ADK: variants seen among roughly 807,000 people sequenced by gnomAD.
ADK encodes the protein N6,N6-dimethyladenosine kinase.
Under a neutral mutation model 44.7 loss-of-function variants are expected in ADK, and 24 were observed. The ratio of observed to expected loss-of-function variants is 0.54; its 90% confidence interval spans 0.39 to 0.76. ADK has a LOEUF of 0.76. ADK is among the 30% of genes least tolerant of loss of function. The pLI, the probability that ADK is intolerant of heterozygous loss-of-function variation, is 0.00. For missense variants in ADK, 321 were observed against 425.1 expected, an observed-to-expected ratio of 0.76 and a Z score of 2.15; for synonymous variants, 128 against 142.6, an observed-to-expected ratio of 0.90 and a Z score of 0.73.
At chr10:74,352,549 G>T (rs1460530834) in intron 4 of ADK, among the ~76,000 whole-genome samples, 1 of 152,202 alleles carries the variant, frequency 6.6e-6, no homozygotes, top group African/African-American at 2.4e-5. Context: ...CAATGCAATT[G>T]CAGCAAAAGC....
At chr10:74,442,919 A>G (rs2133144977) in intron 6 of ADK, among the ~76,000 whole-genome samples, 1 of 152,306 alleles carries the variant, frequency 6.6e-6, no homozygotes, top group South Asian at 2.1e-4. Flanking sequence ...ACACAAAAAT[A>G]TAGATACTGT....
intron 2 of ADK, among the ~76,000 whole-genome samples, chr10:74,213,988 A>G (rs1018914723): frequency 2.0e-4 from 30 of 152,364 alleles, no homozygotes; most frequent in African/African-American, 7.0e-4. Flanking sequence ...AATAAAAAGC[A>G]TAAGAAAAAT....
At chr10:74,550,061 G>A (rs1396662582) in intron 7 of ADK, among the ~76,000 whole-genome samples, 3 of 144,096 alleles carry the variant, frequency 2.1e-5, no homozygotes, top group African/African-American at 7.5e-5. Context: ...GCATAAATCA[G>A]AACCCAATCA....
At chr10:74,227,685 A>G (rs996908450) in intron 3 of ADK, among the ~76,000 whole-genome samples, 8 of 152,180 alleles carry the variant, frequency 5.3e-5, no homozygotes, top group East Asian at 1.9e-4. Context: ...CTCTACTAAA[A>G]ATACAAAAAT....
intron 2 of ADK, among the ~76,000 whole-genome samples, chr10:74,219,411 T>A (rs369791398): frequency 6.6e-6 from 1 of 151,970 alleles, no homozygotes; most frequent in Non-Finnish European, 1.5e-5. Context: ...CTCCCACACA[T>A]TAATAATGGG....
At chr10:74,279,237 G>A (rs1467986413) in intron 3 of ADK, among the ~76,000 whole-genome samples, 13 of 151,460 alleles carry the variant, frequency 8.6e-5, no homozygotes, top group East Asian at 3.9e-4. Context: ...CCGAGATTGC[G>A]CCACTGCATT....
chr10:74,484,216 A>G (rs1387835321), intron 6 of ADK, among the ~76,000 whole-genome samples: 1 of 152,204 alleles, frequency 6.6e-6, no homozygotes. Flanking sequence ...TCATGGCAGA[A>G]GGGGAAGCAG....
At chr10:74,458,299 G>GTTTTTTT (rs376118678) in intron 6 of ADK, among the ~76,000 whole-genome samples, 8 of 79,048 alleles carry the variant, frequency 1.0e-4, no homozygotes, top group African/African-American at 1.5e-4. Flanking sequence ...CCCAGGTTTT[G>GTTTTTTT]TTTTTTTTTT....
chr10:74,194,430 ATTATT>A (rs995730651), intron 1 of ADK, among the ~76,000 whole-genome samples: 25 of 152,174 alleles, frequency 1.6e-4, no homozygotes, highest in African/African-American at 5.8e-4. Flanking sequence ...GGAAATTGGG[ATTATT>A]TTATGAATAA....
intron 3 of ADK, among the ~76,000 whole-genome samples, chr10:74,282,861 A>G (rs1846998823): frequency 6.6e-6 from 1 of 152,198 alleles, no homozygotes; most frequent in South Asian, 2.1e-4. Context: ...CTTATAGTAT[A>G]TGAAAATCAC....
At chr10:74,652,621 G>A (rs558066234) in intron 9 of ADK, among the ~76,000 whole-genome samples, 12 of 151,928 alleles carry the variant, frequency 7.9e-5, no homozygotes, top group African/African-American at 1.7e-4. Flanking sequence ...TTAGCCGGCT[G>A]TAGTGGTGGG....
intron 6 of ADK, among the ~76,000 whole-genome samples, chr10:74,407,014 G>A (rs1051048881): frequency 2.1e-5 from 3 of 141,766 alleles, no homozygotes; most frequent in African/African-American, 5.3e-5. Context: ...ACAAGTTCTC[G>A]TTCCGTCGCC....
chr10:74,273,792 A>G (rs958210964), intron 3 of ADK, among the ~76,000 whole-genome samples: 1 of 152,152 alleles, frequency 6.6e-6, no homozygotes, highest in Non-Finnish European at 1.5e-5. Flanking sequence ...ATTGACTGCT[A>G]ATAAACATCA....
intron 6 of ADK, among the ~76,000 whole-genome samples, chr10:74,431,740 C>CCAGT (rs112669484): frequency 1.1e-4 from 16 of 150,398 alleles, no homozygotes; most frequent in South Asian, 4.2e-4. Flanking sequence ...GACTCTGTCT[C>CCAGT]CAATCAATCA....
At chr10:74,598,407 A>AG (rs1304962223) in intron 8 of ADK, among the ~76,000 whole-genome samples, 32 of 149,540 alleles carry the variant, frequency 2.1e-4, no homozygotes, top group Non-Finnish European at 1.5e-5. Flanking sequence ...GTCTTCTCAC[A>AG]GGGTTGGTAG....
chr10:74,705,463 T>C (rs10762640), intron 10 of ADK, among the ~76,000 whole-genome samples: 15,601 of 152,252 alleles, frequency 0.1, 1,323 homozygotes, highest in African/African-American at 0.22. Context: ...TTTGGACATA[T>C]GTGTACACCC....
At chr10:74,447,089 A>T (rs148872185) in intron 6 of ADK, among the ~76,000 whole-genome samples, 25 of 152,248 alleles carry the variant, frequency 1.6e-4, no homozygotes, top group Non-Finnish European at 3.2e-4. Flanking sequence ...TCTTATGTTC[A>T]GTAGTTGGTG....
At chr10:74,356,008 T>A (rs199690380) in intron 4 of ADK, among the ~76,000 whole-genome samples, 3 of 59,628 alleles carry the variant, frequency 5.0e-5, no homozygotes, top group Admixed American at 3.5e-4. Flanking sequence ...ATTCATTTTT[T>A]TTTTTTTTTT....
chr10:74,445,162 A>G (rs1262987655), intron 6 of ADK, among the ~76,000 whole-genome samples: 2 of 152,074 alleles, frequency 1.3e-5, no homozygotes, highest in African/African-American at 4.8e-5. Flanking sequence ...TTCTCGCCCT[A>G]TTCTCAAACA....
Sources: allele counts gnomAD v4.1 joint callset (sites outside exome capture counted in the v4.1 genomes callset), GRCh38; gene constraint gnomAD v4.1.1; transcripts MANE v1.5; gene names NCBI Gene and HGNC (gene_info 2026-07-23, HGNC 2026-07-21).